The following TRERF1 variants were observed in gnomAD, a reference collection of about 807,000 sequenced individuals.
TRERF1 encodes transcriptional regulating factor 1.
A neutral mutation model predicts 122.9 loss-of-function variants in TRERF1; 27 were observed. That is an observed-to-expected ratio of 0.22 (90% CI 0.16 to 0.30). The LOEUF (loss-of-function observed/expected upper bound fraction) is 0.30, where lower values mean the gene tolerates loss of function less well. Among genes scored for constraint, TRERF1 ranks in the 10% least tolerant of loss-of-function variants. The pLI is 1.00. For missense variants in TRERF1, 1,248 were observed against 1,560.3 expected (o/e 0.80, Z 3.37); for synonymous variants, 636 against 641.7 (o/e 0.99, Z 0.13).
chr6:42,354,241 C>T (rs1770076731), intron 3 of TRERF1, among the ~76,000 whole-genome samples: 1 of 152,136 alleles, frequency 6.6e-6, no homozygotes, highest in Admixed American at 6.5e-5. Flanking sequence ...TGTACATTTT[C>T]TATATATTTG....
chr6:42,244,897 G>T (rs1774476454), intron 14 of TRERF1, among the ~76,000 whole-genome samples: 1 of 152,244 alleles, frequency 6.6e-6, no homozygotes, highest in Non-Finnish European at 1.5e-5. Flanking sequence ...ATGATCAGGT[G>T]AGGTGTAATA....
intron 3 of TRERF1, among the ~76,000 whole-genome samples, chr6:42,357,680 G>A (rs557198929): frequency 3.5e-4 from 54 of 152,264 alleles, no homozygotes; most frequent in Non-Finnish European, 2.9e-4. Context: ...AATTTCACAC[G>A]GGCGAGCGAG....
rs71762939 is a variant in TRERF1 at position 42,276,035 on chromosome 6, CCTT to C, written c.-258-6190_-258-6188del. On this transcript the variant is annotated intron_variant, in intron 4 of 17. Transcript: ENST00000372922. The surrounding 1 kb of genome is among the most constrained non-coding windows in gnomAD (Gnocchi z 4.3). ...TTCAACCAATTAAAAATGTAAAAAT[CCTT>C]CTTCACTCACAGGCAGTACAAGAAT... Among the ~76,000 whole-genome samples the C allele has an allele frequency of 6.3e-3, 953 of 152,316 alleles. 11 individuals carry two copies. Among genetic ancestry groups the C allele is most frequent in the African/African-American group, 0.022 (912 of 41,558 alleles).
intron 2 of TRERF1, among the ~76,000 whole-genome samples, chr6:42,403,802 C>T (rs1470688315): frequency 6.6e-6 from 1 of 152,164 alleles, no homozygotes; most frequent in East Asian, 1.9e-4. Context: ...TTATATCCTT[C>T]AAATCTATGG....
chr6:42,287,858 A>G (rs989763145), intron 4 of TRERF1, among the ~76,000 whole-genome samples: 1 of 152,056 alleles, frequency 6.6e-6, no homozygotes, highest in African/African-American at 2.4e-5. Context: ...CCCTCTGCCA[A>G]CAGGTAAGTG....
chr6:42,451,955 A>T (rs1394585813), intron 1 of TRERF1, 29 bp from the exon 1 acceptor site: 4 of 151,896 alleles, frequency 2.6e-5, no homozygotes, highest in Admixed American at 1.3e-4. Flanking sequence ...AGAAATACAT[A>T]TGTATCTCTC....
intron 16 of TRERF1, 108 bp downstream of exon 16, chr6:42,236,097 C>T: frequency 6.9e-7 from 1 of 1,449,328 alleles, no homozygotes; most frequent in Admixed American, 2.9e-5. Flanking sequence ...CTCTGCCAAA[C>T]TGTGACTGTT....
At chr6:42,254,991 T>A in intron 12 of TRERF1, 65 bp from the exon 13 acceptor site, 2 of 1,538,730 alleles carry the variant, frequency 1.3e-6, no homozygotes, top group Admixed American at 1.7e-5. Flanking sequence ...ATGGAGATCA[T>A]CTACCCAAAG....
intron 4 of TRERF1, among the ~76,000 whole-genome samples, chr6:42,291,708 T>C (rs192893423): frequency 6.6e-6 from 1 of 151,580 alleles, no homozygotes. Context: ...TGTTTTTTTT[T>C]TTTGTGTGTG....
chr6:42,228,333 A>G lies in TRERF1; in HGVS notation c.*12T>C. 1 of 1,594,108 alleles carries G rather than the reference A, an allele frequency of 6.3e-7. No homozygotes were observed. The highest frequency in any genetic ancestry group is 1.1e-5 in the South Asian group (1 of 88,758). On this transcript the variant is annotated 3_prime_UTR_variant, in exon 18 of 18. Transcript: ENST00000372922. The surrounding 1 kb of genome is among the most constrained non-coding windows in gnomAD (Gnocchi z 4.2). ...CGTGGGTTTTCACTGTCTCTAAGTG[A>G]CACACAGGGCTTTATAGTTCTGCGT...
intron 2 of TRERF1, among the ~76,000 whole-genome samples, chr6:42,416,521 T>C (rs558311274): frequency 1.3e-5 from 2 of 152,330 alleles, no homozygotes; most frequent in South Asian, 4.1e-4. Context: ...AGTTAACCTA[T>C]CCTTACCTTC....
At chr6:42,293,571 A>G (rs1784628023) in intron 4 of TRERF1, among the ~76,000 whole-genome samples, 1 of 152,228 alleles carries the variant, frequency 6.6e-6, no homozygotes, top group African/African-American at 2.4e-5. Context: ...AATAGCTCTC[A>G]TGTTGTCCTC....
At chr6:42,245,058 A>G (rs1348872161) in intron 14 of TRERF1, among the ~76,000 whole-genome samples, 2 of 152,240 alleles carry the variant, frequency 1.3e-5, no homozygotes, top group African/African-American at 4.8e-5. Flanking sequence ...TTTCCACACT[A>G]GAATCACCTG....
intron 2 of TRERF1, among the ~76,000 whole-genome samples, chr6:42,381,014 A>G (rs1775817742): frequency 6.6e-6 from 1 of 152,224 alleles, no homozygotes; most frequent in South Asian, 2.1e-4. Flanking sequence ...CAAGACTCAA[A>G]TATCTTCCAT....
At chr6:42,435,567 A>G (rs550962563) in intron 2 of TRERF1, among the ~76,000 whole-genome samples, 61 of 152,236 alleles carry the variant, frequency 4.0e-4, no homozygotes, top group Admixed American at 3.8e-3. Flanking sequence ...TTACCGCCCA[A>G]AAAGAATCTA....
chr6:42,383,022 G>A (rs1010716565), intron 2 of TRERF1, among the ~76,000 whole-genome samples: 1 of 151,970 alleles, frequency 6.6e-6, no homozygotes, highest in Non-Finnish European at 1.5e-5. Flanking sequence ...GGAGGTTGGG[G>A]CAAAAAACAT....
intron 4 of TRERF1, among the ~76,000 whole-genome samples, chr6:42,282,011 T>G (rs1262170704): frequency 6.6e-6 from 1 of 151,652 alleles, no homozygotes; most frequent in South Asian, 2.1e-4. Flanking sequence ...TACCCAGGAG[T>G]AGAGGAAGGT....
chr6:42,325,710 C>CA (rs1176011205), intron 3 of TRERF1, among the ~76,000 whole-genome samples: 1 of 152,024 alleles, frequency 6.6e-6, no homozygotes, highest in Non-Finnish European at 1.5e-5. Context: ...CCTGCCTCTA[C>CA]AAAAAAATAC....
At chr6:42,394,136 C>T (rs928969206) in intron 2 of TRERF1, among the ~76,000 whole-genome samples, 5 of 152,116 alleles carry the variant, frequency 3.3e-5, no homozygotes, top group African/African-American at 1.2e-4. Flanking sequence ...AGTGAGGTAA[C>T]GCCCAGGAAG....
Sources: allele counts gnomAD v4.1 joint callset (sites outside exome capture counted in the v4.1 genomes callset), GRCh38; gene constraint gnomAD v4.1.1; non-coding constraint Gnocchi (gnomAD v3.1); transcripts MANE v1.5; gene names NCBI Gene and HGNC (gene_info 2026-07-23, HGNC 2026-07-21).